The following PPP2R2B variants were observed in gnomAD, a reference collection of about 807,000 sequenced individuals.
PPP2R2B encodes protein phosphatase 2 regulatory subunit Bbeta, also known as serine/threonine-protein phosphatase 2A 55 kDa regulatory subunit B beta isoform.
Under a neutral mutation model 46.0 loss-of-function variants are expected in PPP2R2B, and 5 were observed. The ratio of observed to expected loss-of-function variants is 0.11; its 90% CI spans 0.06 to 0.23. The LOEUF is 0.23. Among genes scored for constraint, PPP2R2B ranks in the 10% least tolerant of loss-of-function variants. The pLI is 1.00. For missense variants in PPP2R2B, 367 were observed against 575.0 expected, an observed-to-expected ratio of 0.64 and a Z score of 3.70; for synonymous variants, 215 against 206.7, an observed-to-expected ratio of 1.04 and a Z score of -0.34.
intron 5 of PPP2R2B, among the ~76,000 whole-genome samples, chr5:146,663,369 A>C (rs458164): frequency 0.76 from 115,469 of 152,132 alleles, 45,237 homozygotes; most frequent in Non-Finnish European, 0.86. Context: ...CATAAACTAC[A>C]ACAAGATTTT....
chr5:146,833,584 A>C (rs976288633), intron 2 of PPP2R2B, among the ~76,000 whole-genome samples: 3 of 152,110 alleles, frequency 2.0e-5, no homozygotes, highest in Non-Finnish European at 4.4e-5. Flanking sequence ...AAATCTTGAC[A>C]CCTCACCTAC....
At chr5:146,966,342 A>T (rs1752407103) in intron 1 of PPP2R2B, among the ~76,000 whole-genome samples, 1 of 152,132 alleles carries the variant, frequency 6.6e-6, no homozygotes. Context: ...GTCCACACTG[A>T]TTTCAGCTTG....
intron 1 of PPP2R2B, among the ~76,000 whole-genome samples, chr5:146,993,566 G>A (rs1753796123): frequency 6.6e-6 from 1 of 152,170 alleles, no homozygotes; most frequent in Non-Finnish European, 1.5e-5. Flanking sequence ...CTAATAAGGA[G>A]TACACAGTAT....
In PPP2R2B at chr5:146,943,692, A is replaced by C. The variant is rs1009060036; in HGVS notation, c.79+111973T>G. Among the ~76,000 whole-genome samples the C allele has an allele frequency of 2.0e-5, 3 of 151,976 alleles. 1 individual carries two copies. Among genetic ancestry groups the C allele is most frequent in the African/African-American group, 7.3e-5 (3 of 41,368 alleles). ...GGCACTCATTTTTTTTTTTTATAGC[A>C]GAAAGGCATAAGCTCAGAGAGAAGT... On this transcript the variant is annotated intron_variant, in intron 1 of 8. Transcript: ENST00000336640.
chr5:147,000,585 A>G (rs1393011748), intron 1 of PPP2R2B, among the ~76,000 whole-genome samples: 2 of 143,652 alleles, frequency 1.4e-5, no homozygotes, highest in Admixed American at 6.8e-5. Context: ...CACAGTTCAC[A>G]ATAGAGTTCA....
intron 2 of PPP2R2B, among the ~76,000 whole-genome samples, chr5:146,794,234 C>G (rs930151241): frequency 1.3e-5 from 2 of 152,136 alleles, no homozygotes; most frequent in Admixed American, 6.6e-5. Flanking sequence ...CTTCAGTCTT[C>G]TTTTGTCAAT....
At chr5:146,929,569 A>T (rs1763899303) in intron 1 of PPP2R2B, among the ~76,000 whole-genome samples, 2 of 152,194 alleles carry the variant, frequency 1.3e-5, no homozygotes, top group South Asian at 4.1e-4. Flanking sequence ...TGGATATAAT[A>T]TACTTATCTT....
At chr5:146,673,510 A>G (rs1777506926) in intron 5 of PPP2R2B, among the ~76,000 whole-genome samples, 1 of 152,092 alleles carries the variant, frequency 6.6e-6, no homozygotes, top group Non-Finnish European at 1.5e-5. Context: ...ACTAGAAAAT[A>G]GACATAAAGT....
intron 1 of PPP2R2B, among the ~76,000 whole-genome samples, chr5:147,021,594 G>A (rs936368784): frequency 2.6e-5 from 4 of 152,094 alleles, no homozygotes; most frequent in African/African-American, 4.8e-5. Flanking sequence ...CCCAAGAAAG[G>A]CTATACCTTA....
At chr5:147,052,008 C>G (rs1370886301) in intron 1 of PPP2R2B, among the ~76,000 whole-genome samples, 1 of 151,784 alleles carries the variant, frequency 6.6e-6, no homozygotes, top group African/African-American at 2.4e-5. Context: ...CCTCCCCTAC[C>G]AAGGGGAAGG....
At chr5:146,850,882 A>T (rs921981795) in intron 2 of PPP2R2B, among the ~76,000 whole-genome samples, 14 of 152,138 alleles carry the variant, frequency 9.2e-5, no homozygotes, top group Admixed American at 7.9e-4. Flanking sequence ...AAATGTCTGA[A>T]AAATGACCAC....
chr5:146,815,967 T>A (rs759754217), intron 2 of PPP2R2B, among the ~76,000 whole-genome samples: 2 of 152,176 alleles, frequency 1.3e-5, no homozygotes, highest in African/African-American at 2.4e-5. Flanking sequence ...CTGCAAATAT[T>A]TGAAGATATT....
intron 5 of PPP2R2B, among the ~76,000 whole-genome samples, chr5:146,654,290 C>T (rs79238917): frequency 0.071 from 10,761 of 152,152 alleles, 420 homozygotes; most frequent in Middle Eastern, 0.092. Flanking sequence ...GTGGAGTATC[C>T]AGTCCAATGT....
chr5:146,732,130 G>A (rs1752269263), intron 2 of PPP2R2B, among the ~76,000 whole-genome samples: 1 of 152,146 alleles, frequency 6.6e-6, no homozygotes, highest in Admixed American at 6.5e-5. Flanking sequence ...GAAAGGAGGA[G>A]GCAGCTGAAA....
At chr5:146,831,639 A>T (rs1303804234) in intron 2 of PPP2R2B, among the ~76,000 whole-genome samples, 1 of 152,008 alleles carries the variant, frequency 6.6e-6, no homozygotes, top group South Asian at 2.1e-4. Flanking sequence ...AAAAAGCATC[A>T]GGTTAGCCAG....
rs1370362933 is a variant in PPP2R2B, at chr5:146,781,154, ATATATATATATATATATAT to A, written c.71-80031_71-80013del. On this transcript the variant is annotated intron_variant, in intron 2 of 9. Coordinates refer to ENST00000394411, the MANE Select transcript of PPP2R2B (RefSeq NM_181675.4). The stretch of plus-strand genomic sequence containing the variant: ...ATGATATATATATATATATATATAT[ATATATATATATATATATAT>A]ATAAAATTATTCTCATGATATAAGT... Among the ~76,000 whole-genome samples, 9 of 119,824 alleles carry A rather than the reference ATATATATATATATATATAT, an allele frequency of 7.5e-5. 1 individual carries two copies. The highest frequency in any genetic ancestry group is 2.7e-4 in the African/African-American group (9 of 33,710). The allele number at this position is 119,824 out of a possible 152,430, so 78.6% of individuals were successfully genotyped here.
intron 1 of PPP2R2B, among the ~76,000 whole-genome samples, chr5:146,949,124 A>G (rs1447375816): frequency 1.3e-5 from 2 of 152,114 alleles, no homozygotes; most frequent in East Asian, 3.9e-4. Flanking sequence ...GTACTTACAG[A>G]TGATTAGGAG....
chr5:146,721,207 G>A (rs1025752072), intron 2 of PPP2R2B, among the ~76,000 whole-genome samples: 2 of 152,242 alleles, frequency 1.3e-5, no homozygotes, highest in African/African-American at 4.8e-5. Flanking sequence ...TGTTGGAAAT[G>A]TATTTGTTTT....
At chr5:146,683,849 AATT>A (rs1414040818) in intron 5 of PPP2R2B, among the ~76,000 whole-genome samples, 2 of 152,320 alleles carry the variant, frequency 1.3e-5, no homozygotes, top group Admixed American at 6.5e-5. Context: ...TGATAACAGA[AATT>A]ATTATTTATT....
Sources: allele counts gnomAD v4.1 joint callset (sites outside exome capture counted in the v4.1 genomes callset), GRCh38; gene constraint gnomAD v4.1.1; transcripts MANE v1.5; gene names NCBI Gene and HGNC (gene_info 2026-07-23, HGNC 2026-07-21).